Variants in MINDY2 observed in about 807,000 individuals in gnomAD.
The protein encoded by MINDY2 is ubiquitin carboxyl-terminal hydrolase MINDY-2.
In MINDY2, 52 loss-of-function variants were observed where a neutral mutation model predicts 68.2. That is an observed-to-expected ratio of 0.76 (90% CI 0.61 to 0.96). The LOEUF is 0.96. Among genes scored for constraint, MINDY2 ranks in the 40% least tolerant of loss-of-function variants. MINDY2 has a pLI of 0.00. For missense variants in MINDY2, 881 were observed against 773.4 expected, an observed-to-expected ratio of 1.14 and a Z score of -1.65; for synonymous variants, 372 against 303.0, an observed-to-expected ratio of 1.23 and a Z score of -2.36.
At chr15:58,829,055 CTT>C (rs1482412290) in intron 5 of MINDY2, among the ~76,000 whole-genome samples, 2 of 152,084 alleles carry the variant, frequency 1.3e-5, no homozygotes, top group East Asian at 1.9e-4. Flanking sequence ...AATAACACCT[CTT>C]TGAGCGTTAT....
At chr15:58,794,357 G>GT (rs1332984037) in intron 2 of MINDY2, among the ~76,000 whole-genome samples, 9 of 102,952 alleles carry the variant, frequency 8.7e-5, no homozygotes, top group Non-Finnish European at 1.5e-4. Flanking sequence ...GTTTTTTTTG[G>GT]GGTGTGTGTG....
intron 1 of MINDY2, among the ~76,000 whole-genome samples, chr15:58,781,795 C>T (rs570386615): frequency 3.4e-4 from 52 of 151,948 alleles, no homozygotes; most frequent in African/African-American, 1.1e-3. Flanking sequence ...CCCAGCTACT[C>T]GGGAGGCTGA....
intron 4 of MINDY2, chr15:58,815,177 C>T (rs544229165): frequency 6.6e-6 from 1 of 152,202 alleles, no homozygotes; most frequent in Non-Finnish European, 1.5e-5. Context: ...AGCCAGTTGT[C>T]CTAGTACCAT....
intron 1 of MINDY2, among the ~76,000 whole-genome samples, chr15:58,779,175 G>A (rs1040235082): frequency 5.3e-5 from 8 of 151,948 alleles, no homozygotes; most frequent in Non-Finnish European, 1.0e-4. Context: ...GATTACAGGC[G>A]TGAGTCACCA....
At chr15:58,853,011 G>A in intron 8 of MINDY2, among the ~76,000 whole-genome samples, 1 of 38,706 alleles carries the variant, frequency 2.6e-5, no homozygotes, top group South Asian at 1.6e-3. Context: ...GGAGTGCAGT[G>A]GCGCAGTCTC....
chr15:58,847,623 A>T (rs1328135482), intron 7 of MINDY2, among the ~76,000 whole-genome samples, 153 bp downstream of exon 7: 1 of 152,226 alleles, frequency 6.6e-6, no homozygotes, highest in Non-Finnish European at 1.5e-5. Context: ...ATCATTCTAC[A>T]TGTACATTAA....
chr15:58,847,189 A>G (rs1359247928), intron 6 of MINDY2, 108 bp from the exon 7 acceptor site: 5 of 818,446 alleles, frequency 6.1e-6, no homozygotes, highest in Non-Finnish European at 9.1e-6. Flanking sequence ...AAACAGTAGG[A>G]ATGTTTAATA....
intron 4 of MINDY2, 95 bp downstream of exon 4, chr15:58,810,483 T>G (rs1371964884): frequency 8.2e-7 from 1 of 1,224,524 alleles, no homozygotes; most frequent in African/African-American, 1.6e-5. Flanking sequence ...GTTACTTACT[T>G]TTTTTGTACT....
At chr15:58,777,937 T>G (rs1348841374) in intron 1 of MINDY2, among the ~76,000 whole-genome samples, 1 of 152,206 alleles carries the variant, frequency 6.6e-6, no homozygotes, top group Non-Finnish European at 1.5e-5. Context: ...TTGACTATAT[T>G]TGATTTTTAA....
chr15:58,813,258 G>T (rs1466237757), intron 4 of MINDY2, among the ~76,000 whole-genome samples: 1 of 152,198 alleles, frequency 6.6e-6, no homozygotes, highest in Non-Finnish European at 1.5e-5. Context: ...ACTTTGGAAG[G>T]CTGAGGCAGG....
chr15:58,796,989 C>G (rs1022011415), intron 2 of MINDY2, among the ~76,000 whole-genome samples: 5 of 152,134 alleles, frequency 3.3e-5, no homozygotes, highest in Non-Finnish European at 7.3e-5. Context: ...ACTATTCTTT[C>G]TTAGATCATT....
At chr15:58,848,466 G>A (rs1421755564) in intron 7 of MINDY2, among the ~76,000 whole-genome samples, 5 of 152,116 alleles carry the variant, frequency 3.3e-5, no homozygotes, top group Non-Finnish European at 7.3e-5. Flanking sequence ...TTAATTCTCC[G>A]GGTGCGGTGG....
At chr15:58,848,958 C>A (rs1371721716) in intron 7 of MINDY2, among the ~76,000 whole-genome samples, 7 of 151,140 alleles carry the variant, frequency 4.6e-5, no homozygotes, top group African/African-American at 1.7e-4. Context: ...ACCTATAATC[C>A]CAGCACTTTG....
chr15:58,856,298 A>G lies in MINDY2; in HGVS notation c.*1688A>G, dbSNP rs1484321722. 3.3e-5 allele frequency: 5 copies of G among 152,562 alleles called. No homozygotes were observed. Among genetic ancestry groups the G allele is most frequent in the African/African-American group, 1.2e-4 (5 of 41,416 alleles). The allele number at this position is 152,562 out of a possible 1,614,324, so 9.5% of individuals were successfully genotyped here. Reference sequence around the variant, plus strand: ...GTGTGGTCTGGGGTGACAAAAGACCACAAAAATGTGTGGTCTGGATTTTTT... The same window carrying G: ...GTGTGGTCTGGGGTGACAAAAGACCGCAAAAATGTGTGGTCTGGATTTTTT... On this transcript the variant is annotated 3_prime_UTR_variant, in exon 9 of 9. Transcript: ENST00000559228.
intron 2 of MINDY2, among the ~76,000 whole-genome samples, chr15:58,796,518 G>A (rs548886965): frequency 2.6e-5 from 4 of 152,220 alleles, no homozygotes; most frequent in South Asian, 2.1e-4. Flanking sequence ...CAAGTTAAAT[G>A]TAGTTTCATT....
chr15:58,814,492 T>C (rs1382013101), intron 4 of MINDY2, among the ~76,000 whole-genome samples: 1 of 151,990 alleles, frequency 6.6e-6, no homozygotes, highest in Non-Finnish European at 1.5e-5. Flanking sequence ...GCTCATGTGA[T>C]CCTCCTGCCT....
rs1365426351 is a variant in MINDY2 at position 58,829,878 on chromosome 15, A to T, written c.1226-1896A>T. Reference sequence around the variant, plus strand: ...TATGGTTTGACACTAAGGGATGTCGAGGGAGTGGAATAAACCTATGTTATC... The same window carrying T: ...TATGGTTTGACACTAAGGGATGTCGTGGGAGTGGAATAAACCTATGTTATC... On this transcript the variant is annotated intron_variant, in intron 5 of 8. Transcript: ENST00000559228. 3.3e-5 allele frequency among the ~76,000 whole-genome samples: 5 copies of T among 152,214 alleles called. No homozygotes were observed. The South Asian group carries it at 8.3e-4, about 25-fold the overall frequency.
intron 2 of MINDY2, among the ~76,000 whole-genome samples, chr15:58,799,484 C>T (rs1219841211): frequency 6.6e-6 from 1 of 150,638 alleles, no homozygotes; most frequent in African/African-American, 2.4e-5. Context: ...GAGGCTGAGG[C>T]AGGAGAATGG....
chr15:58,790,913 C>T (rs1264235097), intron 2 of MINDY2, among the ~76,000 whole-genome samples: 3 of 151,940 alleles, frequency 2.0e-5, no homozygotes, highest in African/African-American at 7.2e-5. Context: ...GGTGTGGTGG[C>T]TCACGCCTGT....
Sources: allele counts gnomAD v4.1 joint callset (sites outside exome capture counted in the v4.1 genomes callset), GRCh38; gene constraint gnomAD v4.1.1; transcripts MANE v1.5; gene names NCBI Gene and HGNC (gene_info 2026-07-23, HGNC 2026-07-21).